The following ABCG8 variants were observed in gnomAD, a reference collection of about 807,000 sequenced individuals.
The protein encoded by ABCG8 is ATP binding cassette subfamily G member 8, also known as ATP-binding cassette sub-family G member 8.
A neutral mutation model predicts 71.3 loss-of-function variants in ABCG8; 81 were observed. The ratio of observed to expected loss-of-function variants is 1.14; its 90% CI spans 0.95 to 1.37. The LOEUF (loss-of-function observed/expected upper bound fraction) is 1.37, where lower values mean the gene tolerates loss of function less well. Among genes scored for constraint, ABCG8 ranks in the 40% most tolerant of loss-of-function variants. The probability of loss-of-function intolerance (pLI) is 0.00; values close to 1 mark genes in which losing one functional copy is unlikely to be tolerated. For synonymous variants in ABCG8, 451 were observed against 354.7 expected (o/e 1.27, Z -3.05); for missense variants, 1,119 against 866.2 (o/e 1.29, Z -3.66).
chr2:43,860,774 T>G (rs1669285457), intron 6 of ABCG8, among the ~76,000 whole-genome samples: 1 of 142,100 alleles, frequency 7.0e-6, no homozygotes, highest in East Asian at 2.0e-4. Context: ...ACTCTCACTA[T>G]CTGCTGTATA....
At position 43,872,012 on chromosome 2, in the gene ABCG8, A is replaced by G. The variant is rs1282500268; in HGVS notation, c.1001A>G (p.Gln334Arg). 4 of 1,614,118 alleles carry G rather than the reference A, an allele frequency of 2.5e-6. No individual in the cohort carries two copies. The change falls in exon 7 of 13, where the codon CAG becomes CGG. Residue 334 changes from glutamine to arginine, a missense_variant. By Grantham distance (43) the Gln-to-Arg change is conservative (BLOSUM62 1). Transcript: ENST00000272286. ...LTSIDRRSRE[Q>R]ELATREKAQS... ...AGCATTGACAGGCGCAGCAGAGAGC[A>G]GGAATTGGCCACCAGGGAGAAGGCT...
rs1403165574 is a variant in ABCG8, at chr2:43,880,489, G to C, written c.*2576G>C. 1.3e-5 allele frequency: 2 copies of C among 152,126 alleles called. No individual in the cohort carries two copies. Among genetic ancestry groups the C allele is most frequent in the African/African-American group, 4.8e-5 (2 of 41,428 alleles). The allele number at this position is 152,126 out of a possible 1,614,324, so 9.4% of individuals were successfully genotyped here. On this transcript the variant is annotated 3_prime_UTR_variant, in exon 13 of 13. Coordinates refer to ENST00000272286, the MANE Select transcript of ABCG8 (RefSeq NM_022437.3). ...GCACCTGGTGTCACAGGTTCATCTT[G>C]TATTTTCCCATCTCAGCCCTGGAAT...
chr2:43,869,597 T>A (rs540990544), intron 6 of ABCG8, among the ~76,000 whole-genome samples: 2 of 150,754 alleles, frequency 1.3e-5, no homozygotes, highest in South Asian at 4.2e-4. Context: ...ATAGAATTCT[T>A]ACTCTCTGGA....
At chr2:43,871,314 AG>A (rs1669762383) in intron 6 of ABCG8, among the ~76,000 whole-genome samples, 1 of 139,590 alleles carries the variant, frequency 7.2e-6, no homozygotes, top group Admixed American at 7.0e-5. Context: ...CTCTCTGGAT[AG>A]AACTCTCACT....
chr2:43,846,984 G>C (rs909524984), intron 3 of ABCG8: 1 of 94,850 alleles, frequency 1.1e-5, no homozygotes, highest in Non-Finnish European at 1.9e-5. Context: ...TCCTGCACGC[G>C]CGCGTGCACA....
At chr2:43,870,357 C>T (rs1374538769) in intron 6 of ABCG8, among the ~76,000 whole-genome samples, 1 of 152,124 alleles carries the variant, frequency 6.6e-6, no homozygotes, top group Non-Finnish European at 1.5e-5. Flanking sequence ...AATTCACTCT[C>T]TGGATAGAAT....
rs1472684893 is a variant in ABCG8, at chr2:43,875,158, C to A, written c.1501C>A (p.Leu501Ile). 1 of 1,614,238 alleles carries A rather than the reference C, an allele frequency of 6.2e-7. No homozygotes were observed. ...CTGTTCTTTGCAGATCCTCGGGGAG[C>A]TTCCGGAGCACTGTGCCTACATCAT... ...PYFFAKILGE[L>I]PEHCAYIIIY... Residue 501 changes from leucine (L) to isoleucine (I), a missense_variant, in exon 11 of 13, where the codon CTT (leucine) becomes ATT (isoleucine). Leu to Ile is a conservative substitution (Grantham distance 5). Coordinates refer to ENST00000272286, the MANE Select transcript of ABCG8 (RefSeq NM_022437.3).
At chr2:43,841,902 A>G (rs1668591183) in intron 1 of ABCG8, among the ~76,000 whole-genome samples, 1 of 152,230 alleles carries the variant, frequency 6.6e-6, no homozygotes, top group Admixed American at 6.5e-5. Context: ...CAGCAGAAGT[A>G]ATTTCTCAGC....
In ABCG8 at chr2:43,878,132, T is replaced by A. The variant is rs2104953018; in HGVS notation, c.*219T>A. On this transcript the variant is annotated 3_prime_UTR_variant, in exon 13 of 13. Transcript: ENST00000272286. ...TCTGCTCACTGGCAGGAGACTGCGA[T>A]GACTGGGAGAAAACCTGCACTCGGT... 1 of 652,484 alleles carries A rather than the reference T, an allele frequency of 1.5e-6. No individual in the cohort carries two copies. 40.4% of individuals were successfully genotyped at this position (652,484 alleles called of 1,614,324 possible). A position where few individuals can be genotyped will look rare whatever the true frequency, so the allele number is the denominator to read the frequency against.
At chr2:43,872,445 G>A (rs2104945674) in intron 8 of ABCG8, 139 bp downstream of exon 8, 2 of 1,002,278 alleles carry the variant, frequency 2.0e-6, no homozygotes, top group Non-Finnish European at 3.0e-6. Context: ...ATCCAGCAGG[G>A]CGTTGGTGGC....
Position 43,879,454 on chromosome 2 carries a change from A to G in ABCG8, c.*1541A>G, listed in dbSNP as rs1425691390. Reference sequence around the variant, plus strand: ...GAGCCTCAGGCCCCACCCAGGCTCAATGAGTCAGAGTCTGCGTCTTAAGAA... The same window carrying G: ...GAGCCTCAGGCCCCACCCAGGCTCAGTGAGTCAGAGTCTGCGTCTTAAGAA... On this transcript the variant is annotated 3_prime_UTR_variant, in exon 13 of 13. Coordinates refer to ENST00000272286, the MANE Select transcript of ABCG8 (RefSeq NM_022437.3). 1 of 152,224 alleles carries G rather than the reference A, an allele frequency of 6.6e-6. No homozygotes were observed. Among genetic ancestry groups the G allele is most frequent in the Non-Finnish European group, 1.5e-5 (1 of 68,066 alleles). The allele number at this position is 152,224 out of a possible 1,614,324, so 9.4% of individuals were successfully genotyped here.
At chr2:43,876,446 G>A (rs1319716566) in intron 11 of ABCG8, among the ~76,000 whole-genome samples, 2 of 151,490 alleles carry the variant, frequency 1.3e-5, no homozygotes, top group African/African-American at 4.9e-5. Context: ...GGGGGAGACT[G>A]TGTCGATATA....
At chr2:43,861,441 T>A (rs1572847879) in intron 6 of ABCG8, among the ~76,000 whole-genome samples, 1 of 150,756 alleles carries the variant, frequency 6.6e-6, no homozygotes, top group Non-Finnish European at 1.5e-5. Context: ...TCACTATCAA[T>A]GCGGATAGAA....
At chr2:43,843,770 A>T (rs1013696058) in intron 1 of ABCG8, among the ~76,000 whole-genome samples, 2 of 152,212 alleles carry the variant, frequency 1.3e-5, no homozygotes, top group African/African-American at 2.4e-5. Context: ...AATACCATTC[A>T]AAGGTATCAG....
intron 3 of ABCG8, 101 bp downstream of exon 3, chr2:43,846,412 T>C: frequency 2.0e-6 from 3 of 1,526,392 alleles, no homozygotes; most frequent in Non-Finnish European, 2.7e-6. Context: ...TGCTGACTAG[T>C]AGAATAATAC....
At position 43,878,954 on chromosome 2, in the gene ABCG8, C is replaced by T. The variant is rs545256799; in HGVS notation, c.*1041C>T. On this transcript the variant is annotated 3_prime_UTR_variant, in exon 13 of 13. Coordinates refer to ENST00000272286, the MANE Select transcript of ABCG8 (RefSeq NM_022437.3). Reference sequence around the variant, plus strand: ...GGGGCTTCCCTCTTCGCTCGGCTCTCATTCTCTCTCCCGCTACCCTGTGAA... The same window carrying T: ...GGGGCTTCCCTCTTCGCTCGGCTCTTATTCTCTCTCCCGCTACCCTGTGAA... The T allele has an allele frequency of 1.3e-5, 2 of 152,396 alleles. No individual in the cohort carries two copies. Among genetic ancestry groups the T allele is most frequent in the East Asian group, 1.9e-4 (1 of 5,178 alleles). 9.4% of individuals were successfully genotyped at this position (152,396 alleles called of 1,614,324 possible).
chr2:43,842,527 G>T (rs1426752691), intron 1 of ABCG8, among the ~76,000 whole-genome samples: 4 of 151,890 alleles, frequency 2.6e-5, no homozygotes, highest in African/African-American at 9.7e-5. Context: ...CTCCTGCTTG[G>T]GGGCTTTGGC....
Position 43,872,236 on chromosome 2 carries a change from C to G in ABCG8, c.1141C>G (p.Leu381Val), listed in dbSNP as rs1669804739. Reference protein sequence around the residue: ...DTCVESSVTPLDTNCLPSPTK... With the variant: ...DTCVESSVTPVDTNCLPSPTK... ...TCTGCCTCCCAGCAGCGTGACCCCA[C>G]TAGACACCAACTGCCTCCCGAGTCC... The change falls in exon 8 of 13, where the codon CTA becomes GTA. Residue 381 changes from leucine (L) to valine (V), a missense_variant. Coordinates refer to ENST00000272286, the MANE Select transcript of ABCG8 (RefSeq NM_022437.3). The G allele has an allele frequency of 6.2e-7, 1 of 1,614,016 alleles. No individual in the cohort carries two copies. Among genetic ancestry groups the G allele is most frequent in the Non-Finnish European group, 8.5e-7 (1 of 1,180,036 alleles).
In ABCG8 at chr2:43,880,397, C is replaced by T. The variant is rs2104955418; in HGVS notation, c.*2484C>T. ...CCATATTGGCCAGACTGGTTGTGAA[C>T]TCTAGGCCTCAAGTGATCTGCCTGC... On this transcript the variant is annotated 3_prime_UTR_variant, in exon 13 of 13. Coordinates refer to ENST00000272286, the MANE Select transcript of ABCG8 (RefSeq NM_022437.3). The T allele has an allele frequency of 6.6e-6, 1 of 152,242 alleles. No homozygotes were observed. Among genetic ancestry groups the T allele is most frequent in the South Asian group, 2.1e-4 (1 of 4,830 alleles). The allele number at this position is 152,242 out of a possible 1,614,324, so 9.4% of individuals were successfully genotyped here.
Sources: allele counts gnomAD v4.1 joint callset (sites outside exome capture counted in the v4.1 genomes callset), GRCh38; gene constraint gnomAD v4.1.1; transcripts MANE v1.5; gene names NCBI Gene and HGNC (gene_info 2026-07-23, HGNC 2026-07-21).